The following NRXN1 variants were observed in gnomAD, a reference collection of about 807,000 sequenced individuals.
The protein encoded by NRXN1 is neurexin 1, also known as neurexin-1.
In NRXN1, 39 loss-of-function variants were observed where a neutral mutation model predicts 150.9. The observed-to-expected ratio is 0.26, with a 90% CI of 0.20 to 0.34. The LOEUF (loss-of-function observed/expected upper bound fraction) is 0.34, where lower values mean the gene tolerates loss of function less well. NRXN1 is among the 10% of genes least tolerant of loss of function. The pLI is 1.00. For missense variants in NRXN1, 1,815 were observed against 1,949.9 expected, an observed-to-expected ratio of 0.93 and a Z score of 1.30; for synonymous variants, 924 against 757.0, an observed-to-expected ratio of 1.22 and a Z score of -3.62.
intron 5 of NRXN1, among the ~76,000 whole-genome samples, chr2:50,687,887 A>G (rs1691483123): frequency 6.6e-6 from 1 of 152,086 alleles, no homozygotes; most frequent in Non-Finnish European, 1.5e-5. Flanking sequence ...ACTCAAGGAC[A>G]CTCATGTGAG....
intron 2 of NRXN1, among the ~76,000 whole-genome samples, chr2:50,987,784 T>G (rs1021437072): frequency 4.6e-5 from 7 of 152,086 alleles, no homozygotes; most frequent in Non-Finnish European, 7.4e-5. Context: ...CTTTGGAGAT[T>G]AATGGATAGC....
intron 5 of NRXN1, among the ~76,000 whole-genome samples, chr2:50,800,059 T>C (rs368047954): frequency 2.6e-5 from 4 of 152,206 alleles, no homozygotes; most frequent in African/African-American, 4.8e-5. Flanking sequence ...ACTGTAGTTA[T>C]GCAAAAAGCC....
intron 5 of NRXN1, among the ~76,000 whole-genome samples, chr2:50,662,216 C>G (rs1277758238): frequency 6.6e-6 from 1 of 151,984 alleles, no homozygotes; most frequent in Non-Finnish European, 1.5e-5. Flanking sequence ...GTATTTTGAA[C>G]ACCACACCTG....
intron 19 of NRXN1, among the ~76,000 whole-genome samples, chr2:50,074,982 T>C (rs1335985869): frequency 6.6e-6 from 1 of 152,184 alleles, no homozygotes; most frequent in Non-Finnish European, 1.5e-5. Context: ...GTGTGAAACT[T>C]AAATGACAAT....
intron 17 of NRXN1, among the ~76,000 whole-genome samples, chr2:50,434,253 T>C (rs1423568267): frequency 6.6e-6 from 1 of 151,554 alleles, no homozygotes; most frequent in Non-Finnish European, 1.5e-5. Flanking sequence ...TTGTTGTTGT[T>C]GCTTTTTTTT....
intron 18 of NRXN1, among the ~76,000 whole-genome samples, chr2:50,189,188 T>C (rs938028909): frequency 4.6e-5 from 7 of 152,190 alleles, no homozygotes; most frequent in African/African-American, 1.7e-4. Context: ...TATGAAGTCA[T>C]AAAAAGAATT....
At chr2:50,311,321 A>G (rs921099861) in intron 17 of NRXN1, among the ~76,000 whole-genome samples, 1 of 152,174 alleles carries the variant, frequency 6.6e-6, no homozygotes, top group African/African-American at 2.4e-5. Flanking sequence ...TAGATAATGA[A>G]TTTCCAACAG....
At chr2:50,549,318 G>T (rs930791817) in intron 9 of NRXN1, among the ~76,000 whole-genome samples, 1 of 152,046 alleles carries the variant, frequency 6.6e-6, no homozygotes, top group African/African-American at 2.4e-5. Flanking sequence ...ATTAACAGCT[G>T]CTATTAAAAT....
In NRXN1 at chr2:50,475,838, T is replaced by G. The variant is rs560289077; in HGVS notation, c.3071-3367A>C. Among the ~76,000 whole-genome samples the G allele has an allele frequency of 7.3e-4, 110 of 151,144 alleles. 1 individual carries two copies. The highest frequency in any genetic ancestry group is 2.5e-3 in the African/African-American group (103 of 41,002). On this transcript the variant is annotated intron_variant, in intron 15 of 22. Transcript: ENST00000401669. ...TGTACTATTATCACTTTATCAAAGATGCAGGTTCTCTTTTTGATCCTTGAA... is the reference window on the plus strand; with the variant it reads ...TGTACTATTATCACTTTATCAAAGAGGCAGGTTCTCTTTTTGATCCTTGAA...
chr2:50,207,655 T>C lies in NRXN1; in HGVS notation c.3546+29134A>G, dbSNP rs564198965. On this transcript the variant is annotated intron_variant, in intron 18 of 22. Coordinates refer to ENST00000401669, the MANE Select transcript of NRXN1 (RefSeq NM_001330078.2). ...TACTTCAAAGGCCATCTATGTTCTT[T>C]CAAGCATAGCAGTTGCCTCCACAAA... The C allele has an allele frequency of 1.8e-5, 3 of 168,698 alleles. No homozygotes were observed. In the Admixed American group the frequency reaches 2.0e-4, roughly 11 times the overall value. The allele number at this position is 168,698 out of a possible 1,614,324, so 10.5% of individuals were successfully genotyped here. A position where few individuals can be genotyped will look rare whatever the true frequency, so the allele number is the denominator to read the frequency against.
At chr2:50,391,227 A>C (rs2081667836) in intron 17 of NRXN1, among the ~76,000 whole-genome samples, 1 of 152,028 alleles carries the variant, frequency 6.6e-6, no homozygotes, top group Admixed American at 6.6e-5. Context: ...AAAAAGCAAG[A>C]AAAGACAACT....
chr2:50,280,780 G>C (rs771621426), intron 17 of NRXN1, among the ~76,000 whole-genome samples: 1 of 152,144 alleles, frequency 6.6e-6, no homozygotes, highest in African/African-American at 2.4e-5. Context: ...GTGGACATAG[G>C]ATGCTCCTAT....
chr2:50,948,548 T>A (rs1282583606), intron 2 of NRXN1, among the ~76,000 whole-genome samples: 2 of 152,108 alleles, frequency 1.3e-5, no homozygotes, highest in African/African-American at 4.8e-5. Context: ...CTGGTTGATC[T>A]GAATTTATTG....
intron 21 of NRXN1, among the ~76,000 whole-genome samples, chr2:50,018,056 C>T (rs1276791756): frequency 6.6e-6 from 1 of 152,116 alleles, no homozygotes; most frequent in Non-Finnish European, 1.5e-5. Flanking sequence ...AGACTGTAAC[C>T]TTGATGCTTT....
At chr2:50,641,811 C>T (rs1385030216) in intron 5 of NRXN1, among the ~76,000 whole-genome samples, 5 of 152,114 alleles carry the variant, frequency 3.3e-5, no homozygotes, top group Non-Finnish European at 7.4e-5. Context: ...AGAACAGCCA[C>T]TCCAAGCCTT....
At chr2:50,311,890 T>C (rs1390542874) in intron 17 of NRXN1, among the ~76,000 whole-genome samples, 1 of 151,984 alleles carries the variant, frequency 6.6e-6, no homozygotes, top group Non-Finnish European at 1.5e-5. Flanking sequence ...AAATAATAAA[T>C]ACCTACACAA....
At chr2:50,390,324 A>C (rs567982041) in intron 17 of NRXN1, among the ~76,000 whole-genome samples, 1 of 152,276 alleles carries the variant, frequency 6.6e-6, no homozygotes, top group East Asian at 1.9e-4. Flanking sequence ...CATGAATCAA[A>C]AGGGAAGTCC....
intron 18 of NRXN1, among the ~76,000 whole-genome samples, chr2:50,189,071 T>C (rs2061280000): frequency 6.6e-6 from 1 of 152,226 alleles, no homozygotes; most frequent in Non-Finnish European, 1.5e-5. Context: ...TGCACACGTA[T>C]GTTTATTGCA....
intron 5 of NRXN1, among the ~76,000 whole-genome samples, chr2:50,824,532 T>C (rs1321947969): frequency 6.6e-6 from 1 of 152,196 alleles, no homozygotes; most frequent in Non-Finnish European, 1.5e-5. Flanking sequence ...TAGTATGTAT[T>C]TGAGCTGTAT....
Sources: allele counts gnomAD v4.1 joint callset (sites outside exome capture counted in the v4.1 genomes callset), GRCh38; gene constraint gnomAD v4.1.1; transcripts MANE v1.5; gene names NCBI Gene and HGNC (gene_info 2026-07-23, HGNC 2026-07-21).